The following PMS2 variants were observed in gnomAD, a reference collection of about 807,000 sequenced individuals.
The protein encoded by PMS2 is PMS1 homolog 2, mismatch repair system component.
A neutral mutation model predicts 90.0 loss-of-function variants in PMS2; 69 were observed. The ratio of observed to expected loss-of-function variants is 0.77; its 90% confidence interval spans 0.63 to 0.94. The LOEUF is 0.94. Among genes scored for constraint, PMS2 ranks in the 40% least tolerant of loss-of-function variants. The pLI, the probability that PMS2 is intolerant of heterozygous loss-of-function variation, is 0.00. For missense variants in PMS2, 966 were observed against 1,040.2 expected, an observed-to-expected ratio of 0.93 and a Z score of 0.98; for synonymous variants, 332 against 375.1, an observed-to-expected ratio of 0.89 and a Z score of 1.33.
chr7:6,006,166 C>T, intron 1 of PMS2, 135 bp from the exon 2 acceptor site: 3 of 990,366 alleles, frequency 3.0e-6, no homozygotes, highest in Non-Finnish European at 4.7e-6. Context: ...TTAGCAAATA[C>T]ATTTATTATA....
In PMS2 at chr7:5,995,525, T is replaced by G. The variant is rs1583363044; in HGVS notation, c.903+9A>C. 1.2e-6 allele frequency: 2 copies of G among 1,602,796 alleles called. No individual in the cohort carries two copies. The highest frequency in any genetic ancestry group is 1.7e-6 in the Non-Finnish European group (2 of 1,169,800). Reference sequence around the variant, plus strand: ...AAAGAACAAACTAACACAAAAAAATTTTAAATACCTTTGCTGGGTCACAAG... The same window carrying G: ...AAAGAACAAACTAACACAAAAAAATGTTAAATACCTTTGCTGGGTCACAAG... On this transcript the variant is annotated intron_variant, in intron 8 of 14. Transcript: ENST00000265849.
chr7:6,001,453 C>T (rs1348242616), intron 5 of PMS2, among the ~76,000 whole-genome samples: 1 of 151,672 alleles, frequency 6.6e-6, no homozygotes, highest in Non-Finnish European at 1.5e-5. Flanking sequence ...TCACCGCAAC[C>T]TCTGCCTCCC....
At chr7:5,997,264 TA>T (rs954263503) in intron 7 of PMS2, 61 bp downstream of exon 7, 584 of 808,948 alleles carry the variant, frequency 7.2e-4, no homozygotes, top group Admixed American at 1.4e-3. Context: ...TCACTATCTT[TA>T]AAAAAAAAGC....
intron 8 of PMS2, among the ~76,000 whole-genome samples, chr7:5,993,344 C>A: frequency 8.0e-6 from 1 of 124,780 alleles, no homozygotes; most frequent in South Asian, 2.7e-4. Flanking sequence ...GCACTCTAGC[C>A]TGGGCGACAG....
chr7:5,999,413 T>C, intron 5 of PMS2, 138 bp from the exon 6 acceptor site: 2 of 800,142 alleles, frequency 2.5e-6, no homozygotes, highest in South Asian at 1.4e-5. Context: ...GAATGATCTG[T>C]AAAGAGGTGT....
Position 5,979,396 on chromosome 7 carries a change from A to C in PMS2, c.2175-700T>G, listed in dbSNP as rs534259600. On this transcript the variant is annotated intron_variant, in intron 12 of 14. Coordinates refer to ENST00000265849, the MANE Select transcript of PMS2 (RefSeq NM_000535.7). ...ACAGGGCAAGACTCTGTCTCAAAAAAAAAAAAAAAGTTCAAGTAGCTACAA... is the reference window on the plus strand; with the variant it reads ...ACAGGGCAAGACTCTGTCTCAAAAACAAAAAAAAAGTTCAAGTAGCTACAA... Among the ~76,000 whole-genome samples, 6 of 148,536 alleles carry C rather than the reference A, an allele frequency of 4.0e-5. 1 individual carries two copies. The highest frequency in any genetic ancestry group is 4.3e-4 in the South Asian group (2 of 4,624).
chr7:5,989,724 A>T (rs1297938942), intron 10 of PMS2, 76 bp downstream of exon 10: 1 of 1,154,606 alleles, frequency 8.7e-7, no homozygotes, highest in African/African-American at 1.6e-5. Flanking sequence ...TGTCAAAAAA[A>T]AGTTTACTTG....
chr7:5,993,906 T>C (rs1186458851), intron 8 of PMS2, among the ~76,000 whole-genome samples: 1 of 145,174 alleles, frequency 6.9e-6, no homozygotes, highest in Admixed American at 7.0e-5. Flanking sequence ...AGAAACCATG[T>C]AATCAGTCTA....
chr7:5,997,520 C>T (rs914171590), intron 6 of PMS2, 97 bp from the exon 7 acceptor site: 16 of 744,886 alleles, frequency 2.1e-5, no homozygotes, highest in African/African-American at 3.6e-5. Flanking sequence ...ACATTACAAG[C>T]GCAAAAAAAA....
At chr7:5,991,709 C>T (rs1424244233) in intron 9 of PMS2, among the ~76,000 whole-genome samples, 16 of 151,812 alleles carry the variant, frequency 1.1e-4, no homozygotes, top group South Asian at 2.1e-4. Context: ...TGTGGTGGCA[C>T]GCACCTGTAG....
In PMS2 at chr7:5,987,447, G is replaced by T. The variant is rs762894051; in HGVS notation, c.1318C>A (p.Pro440Thr). 4 of 1,614,128 alleles carry T rather than the reference G, an allele frequency of 2.5e-6. No individual in the cohort carries two copies. Among genetic ancestry groups the T allele is most frequent in the Non-Finnish European group, 3.4e-6 (4 of 1,179,980 alleles). ...TENKPHSPKT[P>T]EPRRSPLGQK... ...CCTAGAGGGCTCCTTCTTGGTTCTGGAGTCTTTGGGCTGTGAGGCTTGTTC... is the reference window on the plus strand; with the variant it reads ...CCTAGAGGGCTCCTTCTTGGTTCTGTAGTCTTTGGGCTGTGAGGCTTGTTC... Residue 440 changes from proline (P) to threonine (T), a missense_variant, in exon 11 of 15, where the codon CCA becomes ACA. By Grantham distance (38) the Pro-to-Thr change is conservative. Coordinates refer to ENST00000265849, the MANE Select transcript of PMS2 (RefSeq NM_000535.7).
intron 8 of PMS2, among the ~76,000 whole-genome samples, chr7:5,994,272 T>C (rs1257903161): frequency 6.6e-6 from 1 of 151,716 alleles, no homozygotes; most frequent in Non-Finnish European, 1.5e-5. Flanking sequence ...TCCCAGCTAC[T>C]TGGGAGGCTG....
chr7:5,986,728 A>G (rs765337168), intron 11 of PMS2, 31 bp downstream of exon 11: 3 of 1,494,276 alleles, frequency 2.0e-6, no homozygotes, highest in Non-Finnish European at 2.7e-6. Context: ...TTTTAGATAA[A>G]AAGAGAAAAA....
At chr7:6,005,811 C>A (rs1583417987) in intron 2 of PMS2, 81 bp downstream of exon 2, 2 of 1,599,874 alleles carry the variant, frequency 1.3e-6, no homozygotes, top group Non-Finnish European at 1.7e-6. Context: ...ACTTGATAGT[C>A]TTATTTCAAT....
chr7:6,009,060 C>T (rs1170524014), upstream of PMS2: 2 of 1,610,058 alleles, frequency 1.2e-6, no homozygotes, highest in South Asian at 1.1e-5. Flanking sequence ...GGGAAAGTTC[C>T]CTCCAGGGCT....
At chr7:5,975,524 G>A (rs1188795308) in intron 14 of PMS2, among the ~76,000 whole-genome samples, 9 of 44,088 alleles carry the variant, frequency 2.0e-4, no homozygotes, top group African/African-American at 8.6e-4. Flanking sequence ...ACCCAAGAGG[G>A]CTCCATTCTA....
intron 10 of PMS2, among the ~76,000 whole-genome samples, chr7:5,989,145 T>C (rs1236808125): frequency 3.9e-5 from 6 of 152,252 alleles, no homozygotes; most frequent in Non-Finnish European, 8.8e-5. Context: ...CCGCTGCGCC[T>C]GGCCTAAATT....
rs1805319 is a variant in PMS2 at position 5,997,349 on chromosome 7, G to C, written c.780C>G (p.Ser260=). 1,291,839 of 1,588,048 alleles carry C rather than the reference G, an allele frequency of 0.81. 527,150 individuals carry two copies. Among genetic ancestry groups the C allele is most frequent in the East Asian group, 0.93 (41,498 of 44,710 alleles). Residue 260 remains serine (S), a synonymous_variant, in exon 7 of 15, where the codon TCC becomes TCG. Transcript: ENST00000265849. ...SVCEEYGLSC[S]DALHNLFYIS... ...ACTAAAAAAGATTATGCAGAGCATC[G>C]GAACAGCTCAAACCGTACTCTTCAC...
At chr7:5,994,473 A>G (rs1440367701) in intron 8 of PMS2, among the ~76,000 whole-genome samples, 1 of 151,918 alleles carries the variant, frequency 6.6e-6, no homozygotes, top group African/African-American at 2.4e-5. Context: ...ATAAACCCAT[A>G]AGTTAAAAAT....
Sources: gnomAD v4.1 joint callset for allele counts (sites outside exome capture counted in the v4.1 genomes callset) on GRCh38, gnomAD v4.1.1 for gene constraint, MANE v1.5 for transcripts, NCBI Gene and HGNC (gene_info 2026-07-23, HGNC 2026-07-21) for gene names.